SIPA1: variants seen among roughly 807,000 people sequenced by gnomAD.
The protein encoded by SIPA1 is signal-induced proliferation-associated protein 1.
SIPA1 carries 51 observed loss-of-function variants against 88.1 expected under a neutral mutation model. The ratio of observed to expected loss-of-function variants is 0.58; its 90% CI spans 0.46 to 0.73. The LOEUF is 0.73. SIPA1 is among the 30% of genes least tolerant of loss of function. The pLI, the probability that SIPA1 is intolerant of heterozygous loss-of-function variation, is 0.00. For synonymous variants in SIPA1, 681 were observed against 664.8 expected (o/e 1.02, Z -0.37); for missense variants, 1,348 against 1,467.6 (o/e 0.92, Z 1.33).
Position 65,642,123 on chromosome 11 carries a change from C to T in SIPA1, c.680-127C>T. On this transcript the variant is annotated intron_variant, in intron 2 of 15. Transcript: ENST00000534313. The surrounding 1 kb of genome is among the most constrained non-coding windows in gnomAD (Gnocchi z 6.5). ...AGCTCGGGGCTACAGAGGGGCGGGA[C>T]TTAGTCTAGGGTCAACATTTGGTGG... is the stretch of plus-strand genomic sequence containing the variant. 1 of 1,318,896 alleles carries T rather than the reference C, an allele frequency of 7.6e-7. No individual in the cohort carries two copies. Among genetic ancestry groups the T allele is most frequent in the Non-Finnish European group, 1.0e-6 (1 of 966,324 alleles). 81.7% of individuals were successfully genotyped at this position (1,318,896 alleles called of 1,614,324 possible).
chr11:65,646,275 C>G lies in SIPA1; in HGVS notation c.1318C>G (p.Pro440Ala). The G allele has an allele frequency of 3.1e-6, 5 of 1,614,136 alleles. No individual in the cohort carries two copies. Among genetic ancestry groups the G allele is most frequent in the Middle Eastern group, 1.6e-4 (1 of 6,062 alleles). ...CATTGTGACCATCGTGTTCCAGGAG[C>G]CTGGCAGCAAGCCCTTCTGCCCCAC... is the stretch of plus-strand genomic sequence containing the variant. ...NDIVTIVFQE[P>A]GSKPFCPTTI... Residue 440 changes from proline (P) to alanine (A), a missense_variant, in exon 7 of 16, where the codon CCT becomes GCT. Around this residue, in one of 4 missense-constraint regions of SIPA1, gnomAD observed 641 missense variants for 797.7 expected, o/e 0.80. Coordinates refer to ENST00000534313, the MANE Select transcript of SIPA1 (RefSeq NM_006747.4). The surrounding 1 kb of genome is among the most constrained non-coding windows in gnomAD (Gnocchi z 7.5).
chr11:65,646,220 G>C lies in SIPA1; in HGVS notation c.1264-1G>C. On this transcript the variant is annotated splice_acceptor_variant, in intron 6 of 15. Coordinates refer to ENST00000534313, the MANE Select transcript of SIPA1 (RefSeq NM_006747.4). LOFTEE classifies it high-confidence loss of function. This position sits in a 1 kb window ranked among gnomAD's most constrained non-coding sequence, Gnocchi z 7.5. ...ACGAGCCCCTACTATCCAACCCCTA[G>C]CTCCTCCGGAAGCGCCACATTGGCA... The C allele has an allele frequency of 6.2e-7, 1 of 1,613,796 alleles. No homozygotes were observed. Among genetic ancestry groups the C allele is most frequent in the Non-Finnish European group, 8.5e-7 (1 of 1,179,952 alleles).
At chr11:65,644,162 C>T (rs369543495) in intron 4 of SIPA1, among the ~76,000 whole-genome samples, 15 of 150,310 alleles carry the variant, frequency 1.0e-4, no homozygotes, top group African/African-American at 2.7e-4. Flanking sequence ...ATTAGGCAGC[C>T]GGAGAAAAAG....
Position 65,649,171 on chromosome 11 carries a change from T to C in SIPA1, c.2307-91T>C. On this transcript the variant is annotated intron_variant, in intron 9 of 15. Transcript: ENST00000534313. ...GGATGCCGGGGAGCTCTCCTGCTCC[T>C]GGAAGTGAGCCTGGCGGGCTGGGGG... The C allele has an allele frequency of 5.3e-6, 5 of 937,990 alleles. No homozygotes were observed. The South Asian group carries it at 5.3e-5, about 10-fold the overall frequency. The allele number at this position is 937,990 out of a possible 1,614,324, so 58.1% of individuals were successfully genotyped here. A position where few individuals can be genotyped will look rare whatever the true frequency, so the allele number is the denominator to read the frequency against.
At chr11:65,650,289 C>G in intron 14 of SIPA1, 97 bp downstream of exon 14, 5 of 1,533,638 alleles carry the variant, frequency 3.3e-6, no homozygotes, top group Non-Finnish European at 3.6e-6. Context: ...GGCTCTGCTG[C>G]CACATATGCC....
rs774918599 is a variant in SIPA1 at position 65,650,169 on chromosome 11, G to A, written c.2880G>A (p.Lys960=). The change falls in exon 14 of 16, where the codon AAG becomes AAA. Residue 960 remains lysine, a synonymous_variant. Coordinates refer to ENST00000534313, the MANE Select transcript of SIPA1 (RefSeq NM_006747.4). ...CCATCCCAGAGAGTGGAGACCCTAAGGGAACTCCAAAATCTGATGCTGAGT... is the reference window on the plus strand; with the variant it reads ...CCATCCCAGAGAGTGGAGACCCTAAAGGAACTCCAAAATCTGATGCTGAGT... ...GQPIPESGDP[K]GTPKSDAEPE... is the part of the protein sequence containing the mutation. 1 of 1,614,104 alleles carries A rather than the reference G, an allele frequency of 6.2e-7. No homozygotes were observed. The highest frequency in any genetic ancestry group is 8.5e-7 in the Non-Finnish European group (1 of 1,180,006).
In SIPA1 at chr11:65,641,035, G is replaced by A. The variant is rs772302240; in HGVS notation, c.114G>A (p.Pro38=). ...LRQPARPPLT[P]HTFEPRPVRG... is the part of the protein sequence containing the mutation. ...AGCCAGCAAGGCCCCCGCTGACACC[G>A]CACACCTTCGAGCCGAGGCCAGTCC... is the stretch of plus-strand genomic sequence containing the variant. Residue 38 remains proline, a synonymous_variant, in exon 2 of 16, where the codon CCG becomes CCA. Transcript: ENST00000534313. The A allele has an allele frequency of 1.0e-5, 16 of 1,591,340 alleles. No individual in the cohort carries two copies. The South Asian group carries it at 1.1e-4, about 11-fold the overall frequency.
At chr11:65,644,490 C>G (rs565910526) in intron 4 of SIPA1, among the ~76,000 whole-genome samples, 2 of 151,914 alleles carry the variant, frequency 1.3e-5, no homozygotes, top group East Asian at 1.9e-4. Flanking sequence ...TGGAGGGGAG[C>G]CTGTGCTGTT....
chr11:65,644,951 A>G lies in SIPA1; in HGVS notation c.985-4A>G, dbSNP rs543766382. The G allele has an allele frequency of 6.2e-7, 1 of 1,610,864 alleles. No homozygotes were observed. The highest frequency in any genetic ancestry group is 1.1e-5 in the South Asian group (1 of 90,750). ...GACCTATGCCTTCTGTCTCCCACCC[A>G]CAGCTGAGCTTCCAACGCAAGGTGG... On this transcript the variant is annotated splice_region_variant and splice_polypyrimidine_tract_variant and intron_variant, in intron 4 of 15. Transcript: ENST00000534313.
At chr11:65,638,734 C>T (rs1022827092) in intron 1 of SIPA1, among the ~76,000 whole-genome samples, 1 of 152,210 alleles carries the variant, frequency 6.6e-6, no homozygotes, top group Non-Finnish European at 1.5e-5. Context: ...GGAGGAATGT[C>T]CTAGCCTCAA....
Position 65,650,695 on chromosome 11 carries a change from C to T in SIPA1, c.3109C>T (p.Pro1037Ser). 1 of 1,580,740 alleles carries T rather than the reference C, an allele frequency of 6.3e-7. No individual in the cohort carries two copies. The highest frequency in any genetic ancestry group is 8.6e-7 in the Non-Finnish European group (1 of 1,163,450). Residue 1037 changes from proline (P) to serine (S), a missense_variant, in exon 16 of 16, where the codon CCC (proline) becomes TCC (serine). This residue lies in a region of SIPA1 where 615 missense variants were observed against 559.8 expected (regional missense o/e 1.10). Transcript: ENST00000534313. Reference protein sequence around the residue: ...LLLASKQLGSPTADLA With the variant: ...LLLASKQLGSSTADLA Reference sequence around the variant, plus strand: ...CCTGGCCTCCAAGCAGCTGGGCTCACCCACCGCCGACCTGGCCTGAGCCGT... The same window carrying T: ...CCTGGCCTCCAAGCAGCTGGGCTCATCCACCGCCGACCTGGCCTGAGCCGT...
rs557276084 is a variant in SIPA1, at chr11:65,638,971, G to A, written c.-92+789G>A. On this transcript the variant is annotated intron_variant, in intron 1 of 15. Coordinates refer to ENST00000534313, the MANE Select transcript of SIPA1 (RefSeq NM_006747.4). The stretch of plus-strand genomic sequence containing the variant: ...CCTTCACACACTATAGCCCAGGCCC[G>A]AGCGCTGAATGTGCCCAGAGCTTGG... Among the ~76,000 whole-genome samples the A allele has an allele frequency of 3.9e-5, 6 of 152,324 alleles. No homozygotes were observed. The South Asian group carries it at 1.2e-3, about 32-fold the overall frequency.
chr11:65,649,922 T>G (rs1261106827), intron 12 of SIPA1, 28 bp from the exon 13 acceptor site: 7 of 1,613,394 alleles, frequency 4.3e-6, no homozygotes, highest in Non-Finnish European at 5.9e-6. Flanking sequence ...TGGGCTTCCC[T>G]AGCTCAGCCT....
intron 1 of SIPA1, chr11:65,639,293 G>C (rs953744537): frequency 1.3e-5 from 2 of 152,214 alleles, no homozygotes; most frequent in Admixed American, 6.5e-5. Flanking sequence ...GTTTTTAGTA[G>C]AGACAGGGTT....
chr11:65,646,034 T>C lies in SIPA1; in HGVS notation c.1263+77T>C. 1 of 1,330,444 alleles carries C rather than the reference T, an allele frequency of 7.5e-7. No homozygotes were observed. Among genetic ancestry groups the C allele is most frequent in the Non-Finnish European group, 1.1e-6 (1 of 948,614 alleles). The allele number at this position is 1,330,444 out of a possible 1,614,324, so 82.4% of individuals were successfully genotyped here. A position where few individuals can be genotyped will look rare whatever the true frequency, so the allele number is the denominator to read the frequency against. On this transcript the variant is annotated intron_variant, in intron 6 of 15. Coordinates refer to ENST00000534313, the MANE Select transcript of SIPA1 (RefSeq NM_006747.4). The surrounding 1 kb of genome is among the most constrained non-coding windows in gnomAD (Gnocchi z 7.5). Reference sequence around the variant, plus strand: ...CTGCATGGCCCATGACGTTTGAGCTTTGGCCGGAGCTCTGTTGGCCCCAAC... The same window carrying C: ...CTGCATGGCCCATGACGTTTGAGCTCTGGCCGGAGCTCTGTTGGCCCCAAC...
chr11:65,647,514 G>C lies in SIPA1; in HGVS notation c.2162G>C (p.Gly721Ala). ...CGCTTCACATTCGCCGAGACGGCGG[G>C]GCTGCGGCCCGGGGCGCGCCTCCTG... ...VERFTFAETA[G>A]LRPGARLLRV... The change falls in exon 9 of 16, where the codon GGG becomes GCG. Residue 721 changes from glycine (G) to alanine (A), a missense_variant. Around this residue, in one of 4 missense-constraint regions of SIPA1, gnomAD observed 615 missense variants for 559.8 expected, o/e 1.10. Transcript: ENST00000534313. 7.2e-7 allele frequency: 1 copy of C among 1,390,920 alleles called. No homozygotes were observed. The highest frequency in any genetic ancestry group is 9.3e-7 in the Non-Finnish European group (1 of 1,076,130). 86.2% of individuals were successfully genotyped at this position (1,390,920 alleles called of 1,614,324 possible).
Position 65,649,284 on chromosome 11 carries a change from C to T in SIPA1, c.2329C>T (p.Leu777=), listed in dbSNP as rs1464206192. 1.9e-6 allele frequency: 3 copies of T among 1,546,976 alleles called. No homozygotes were observed. Among genetic ancestry groups the T allele is most frequent in the East Asian group, 2.4e-5 (1 of 41,268 alleles). Reference sequence around the variant, plus strand: ...CAGGAGTTTTTCGGAGCTGTACACGCTGTCGCTGCAGGAGCCTAGCCGGCG... The same window carrying T: ...CAGGAGTTTTTCGGAGCTGTACACGTTGTCGCTGCAGGAGCCTAGCCGGCG... ...PRRSFSELYT[L]SLQEPSRRGA... The change falls in exon 10 of 16, where the codon CTG becomes TTG. Residue 777 remains leucine (L), a synonymous_variant. Coordinates refer to ENST00000534313, the MANE Select transcript of SIPA1 (RefSeq NM_006747.4).
chr11:65,639,620 T>C (rs1185838035), intron 1 of SIPA1, among the ~76,000 whole-genome samples: 1 of 152,010 alleles, frequency 6.6e-6, no homozygotes, highest in East Asian at 1.9e-4. Context: ...GACCCACCAT[T>C]AGATGCCTGT....
At chr11:65,644,934 C>T (rs758068769) in intron 4 of SIPA1, 21 bp from the exon 5 acceptor site, 2 of 1,603,890 alleles carry the variant, frequency 1.2e-6, no homozygotes, top group Non-Finnish European at 1.7e-6. Flanking sequence ...GAGACCTATG[C>T]CTTCTGTCTC....
Sources: allele counts gnomAD v4.1 joint callset (sites outside exome capture counted in the v4.1 genomes callset), GRCh38; gene constraint gnomAD v4.1.1; regional missense constraint gnomAD v4.1.1; non-coding constraint Gnocchi (gnomAD v3.1); transcripts MANE v1.5; gene names NCBI Gene and HGNC (gene_info 2026-07-23, HGNC 2026-07-21).